CCDC171: variants seen among roughly 807,000 people sequenced by gnomAD.
The protein encoded by CCDC171 is coiled-coil domain-containing protein 171.
A neutral mutation model predicts 168.2 loss-of-function variants in CCDC171; 177 were observed. The observed-to-expected ratio is 1.05, with a 90% CI of 0.93 to 1.19. CCDC171 has a LOEUF of 1.19. CCDC171 is among the 50% of genes most tolerant of loss of function. The pLI is 0.00. For missense variants in CCDC171, 1,991 were observed against 1,539.0 expected (o/e 1.29, Z -4.91); for synonymous variants, 687 against 540.8 (o/e 1.27, Z -3.75).
At chr9:15,668,526 C>T (rs974666374) in intron 9 of CCDC171, among the ~76,000 whole-genome samples, 2 of 152,076 alleles carry the variant, frequency 1.3e-5, no homozygotes, top group African/African-American at 4.8e-5. Flanking sequence ...ATATCTTCTT[C>T]ATCTGTATAT....
At chr9:15,987,316 G>A (rs183905002) in intron 3 of CCDC171, among the ~76,000 whole-genome samples, 40 of 152,006 alleles carry the variant, frequency 2.6e-4, no homozygotes, top group African/African-American at 8.4e-4. Flanking sequence ...CTACCTATTG[G>A]GTATTACGCT....
At chr9:15,597,723 C>A (rs1298116883) in intron 6 of CCDC171, among the ~76,000 whole-genome samples, 1 of 152,120 alleles carries the variant, frequency 6.6e-6, no homozygotes, top group African/African-American at 2.4e-5. Context: ...AGGAATGGTA[C>A]CAGCTCCTCC....
At chr9:15,565,580 T>C (rs1036093307) in intron 2 of CCDC171, among the ~76,000 whole-genome samples, 1 of 152,206 alleles carries the variant, frequency 6.6e-6, no homozygotes, top group Non-Finnish European at 1.5e-5. Context: ...TTTCTATAGA[T>C]TTGCCTTTTT....
intron 21 of CCDC171, among the ~76,000 whole-genome samples, chr9:15,838,429 C>G (rs2060540633): frequency 6.6e-6 from 1 of 152,148 alleles, no homozygotes; most frequent in African/African-American, 2.4e-5. Context: ...GATTCCCAAA[C>G]AGATCAAAGA....
At chr9:15,672,463 T>C (rs1031928969) in intron 9 of CCDC171, among the ~76,000 whole-genome samples, 11 of 152,346 alleles carry the variant, frequency 7.2e-5, no homozygotes, top group Non-Finnish European at 1.2e-4. Flanking sequence ...TAGGTTTTCT[T>C]CTAGGGTTTT....
chr9:15,746,481 C>G (rs2055288812), intron 18 of CCDC171, among the ~76,000 whole-genome samples: 1 of 152,146 alleles, frequency 6.6e-6, no homozygotes, highest in African/African-American at 2.4e-5. Context: ...GGCAGAACCT[C>G]AAGATACTGG....
At chr9:15,852,339 A>C (rs1442251495) in intron 23 of CCDC171, among the ~76,000 whole-genome samples, 1 of 151,818 alleles carries the variant, frequency 6.6e-6, no homozygotes. Context: ...AACAATGTTG[A>C]ACATGTTTTC....
intron 21 of CCDC171, among the ~76,000 whole-genome samples, chr9:15,788,364 C>T (rs60584935): frequency 7.2e-4 from 109 of 152,094 alleles, no homozygotes; most frequent in African/African-American, 2.5e-3. Flanking sequence ...GTTAAATATT[C>T]GGTTGTGTTT....
intron 24 of CCDC171, among the ~76,000 whole-genome samples, chr9:15,882,527 C>T (rs185017752): frequency 2.0e-4 from 30 of 152,234 alleles, no homozygotes; most frequent in Admixed American, 3.3e-4. Context: ...GATCAGTGTC[C>T]TGGAGTGTTT....
At chr9:16,063,034 G>A (rs774605210), downstream of CCDC171, among the ~76,000 whole-genome samples, 4 of 152,112 alleles carry the variant, frequency 2.6e-5, no homozygotes, top group Admixed American at 6.5e-5. Flanking sequence ...CATCACCCCC[G>A]TGTTACCGAC....
chr9:15,718,802 A>T (rs2053260824), intron 11 of CCDC171, among the ~76,000 whole-genome samples: 1 of 152,172 alleles, frequency 6.6e-6, no homozygotes. Context: ...AGTGGCCAAA[A>T]ACTTAGATCA....
intron 7 of CCDC171, among the ~76,000 whole-genome samples, chr9:15,655,780 A>G (rs1213401349): frequency 2.0e-5 from 3 of 152,244 alleles, no homozygotes; most frequent in Admixed American, 6.5e-5. Flanking sequence ...AAGAAGATAC[A>G]CAGTTGGCAA....
rs74391910 is a variant in CCDC171 at position 15,754,114 on chromosome 9, T to C, written c.2671+8483T>C. 2.0e-4 allele frequency among the ~76,000 whole-genome samples: 31 copies of C among 152,282 alleles called. 1 individual carries two copies. The East Asian group carries it at 6.0e-3, about 29-fold the overall frequency. ...GAAAGTTAAAGCGTATGAGTAGTTATGAAGAGAGAATAATGACAGTAATAA... is the reference window on the plus strand; with the variant it reads ...GAAAGTTAAAGCGTATGAGTAGTTACGAAGAGAGAATAATGACAGTAATAA... On this transcript the variant is annotated intron_variant, in intron 18 of 25. Coordinates refer to ENST00000380701, the MANE Select transcript of CCDC171 (RefSeq NM_173550.4).
chr9:15,642,849 G>A (rs1346331513), intron 7 of CCDC171, among the ~76,000 whole-genome samples: 1 of 152,048 alleles, frequency 6.6e-6, no homozygotes, highest in Non-Finnish European at 1.5e-5. Context: ...GATTTTTGGA[G>A]TGAAAACTAG....
chr9:16,073,447 ATCTTC>A, the CCDC171 span, among the ~76,000 whole-genome samples: 82 of 152,274 alleles, frequency 5.4e-4, no homozygotes, highest in African/African-American at 1.8e-3. Flanking sequence ...TGGATGTAAA[ATCTTC>A]TCTTATCTCT....
intron 23 of CCDC171, among the ~76,000 whole-genome samples, chr9:15,860,077 G>C (rs540712853): frequency 6.7e-6 from 1 of 150,090 alleles, no homozygotes; most frequent in Non-Finnish European, 1.5e-5. Context: ...GCATATAATT[G>C]TTCATAGTAG....
downstream of CCDC171, among the ~76,000 whole-genome samples, chr9:15,976,549 A>G (rs1353711572): frequency 6.6e-6 from 1 of 152,132 alleles, no homozygotes; most frequent in Non-Finnish European, 1.5e-5. Context: ...TTTTTATTTT[A>G]TTCCATTTTG....
Position 15,731,738 on chromosome 9 carries a change from G to C in CCDC171, c.2049+1940G>C, listed in dbSNP as rs929956315. Among the ~76,000 whole-genome samples the C allele has an allele frequency of 4.2e-4, 64 of 152,110 alleles. 1 individual carries two copies. The highest frequency in any genetic ancestry group is 1.5e-3 in the African/African-American group (61 of 41,540). On this transcript the variant is annotated intron_variant, in intron 16 of 25. Coordinates refer to ENST00000380701, the MANE Select transcript of CCDC171 (RefSeq NM_173550.4). ...TACTAAAGTGCAGTTGCCAGGTCAT[G>C]GGATATATGTGTGTTCATAAGAAAC...
intron 24 of CCDC171, among the ~76,000 whole-genome samples, chr9:15,900,129 G>T (rs117755982): frequency 1.3e-5 from 2 of 152,070 alleles, no homozygotes; most frequent in Non-Finnish European, 2.9e-5. Context: ...TTCTCCCCTC[G>T]ATGGTGGGTG....
Sources: gnomAD v4.1 joint callset for allele counts (sites outside exome capture counted in the v4.1 genomes callset) on GRCh38, gnomAD v4.1.1 for gene constraint, MANE v1.5 for transcripts, NCBI Gene and HGNC (gene_info 2026-07-23, HGNC 2026-07-21) for gene names.